The following BCAS3 variants were observed in gnomAD, a reference collection of about 807,000 sequenced individuals.
BCAS3 encodes BCAS3 microtubule associated cell migration factor, also known as BCAS4/BCAS3 fusion.
A neutral mutation model predicts 116.1 loss-of-function variants in BCAS3; 53 were observed. The observed-to-expected ratio is 0.46, with a 90% confidence interval of 0.37 to 0.57. The LOEUF is 0.57. BCAS3 is among the 20% of genes least tolerant of loss of function. The probability of loss-of-function intolerance (pLI) is 0.00; values close to 1 mark genes in which losing one functional copy is unlikely to be tolerated. For missense variants in BCAS3, 917 were observed against 1,165.4 expected (o/e 0.79, Z 3.10); for synonymous variants, 391 against 408.2 (o/e 0.96, Z 0.51).
At chr17:60,849,025 C>T (rs1450566674) in intron 7 of BCAS3, among the ~76,000 whole-genome samples, 1 of 151,990 alleles carries the variant, frequency 6.6e-6, no homozygotes, top group Non-Finnish European at 1.5e-5. Context: ...AATGTTTGGC[C>T]CTGTGTATGA....
Position 61,042,436 on chromosome 17 carries a change from A to T in BCAS3, c.2029+1544A>T, listed in dbSNP as rs8071152. On this transcript the variant is annotated intron_variant, in intron 19 of 23. Coordinates refer to ENST00000407086, the MANE Select transcript of BCAS3 (RefSeq NM_017679.5). Reference sequence around the variant, plus strand: ...TCCAGTGATTGACCTTATTGACATTACACTCTGCTTGATTTTAGCTGCCCT... The same window carrying T: ...TCCAGTGATTGACCTTATTGACATTTCACTCTGCTTGATTTTAGCTGCCCT... Among the ~76,000 whole-genome samples, 368 of 152,088 alleles carry T rather than the reference A, an allele frequency of 2.4e-3. 2 individuals carry two copies. The highest frequency in any genetic ancestry group is 8.4e-3 in the African/African-American group (350 of 41,528).
Position 60,941,833 on chromosome 17 carries a change from G to A in BCAS3, c.1088-5386G>A, listed in dbSNP as rs76932025. Among the ~76,000 whole-genome samples the A allele has an allele frequency of 1.1e-3, 161 of 152,294 alleles. 1 individual carries two copies. The highest frequency in any genetic ancestry group is 3.7e-3 in the African/African-American group (153 of 41,568). Reference sequence around the variant, plus strand: ...CAATAATAGTCTTGATTTGGCAAATGAGGACCTTTATTTGAATGCTCATTC... The same window carrying A: ...CAATAATAGTCTTGATTTGGCAAATAAGGACCTTTATTTGAATGCTCATTC... On this transcript the variant is annotated intron_variant, in intron 13 of 23. Coordinates refer to ENST00000407086, the MANE Select transcript of BCAS3 (RefSeq NM_017679.5).
Position 61,302,273 on chromosome 17 carries a change from G to A in BCAS3, c.2426-66054G>A, listed in dbSNP as rs550052686. 7.2e-4 allele frequency among the ~76,000 whole-genome samples: 110 copies of A among 152,248 alleles called. No individual in the cohort carries two copies. Among genetic ancestry groups the A allele is most frequent in the African/African-American group, 2.5e-3 (104 of 41,546 alleles). ...CACATCAGAATGTACCACGGAATCTGACTTTGCCATTTGTGTGGCTATGAT... is the reference window on the plus strand; with the variant it reads ...CACATCAGAATGTACCACGGAATCTAACTTTGCCATTTGTGTGGCTATGAT... On this transcript the variant is annotated intron_variant, in intron 22 of 23. Coordinates refer to ENST00000407086, the MANE Select transcript of BCAS3 (RefSeq NM_017679.5). This position sits in a 1 kb window ranked among gnomAD's most constrained non-coding sequence, Gnocchi z 4.4.
intron 22 of BCAS3, among the ~76,000 whole-genome samples, chr17:61,119,613 A>G (rs886823076): frequency 6.6e-6 from 1 of 152,092 alleles, no homozygotes; most frequent in Non-Finnish European, 1.5e-5. Context: ...TCCTAAAATC[A>G]TGAAAGAGGC....
chr17:60,936,920 A>G (rs894345937), intron 13 of BCAS3, among the ~76,000 whole-genome samples: 1 of 152,314 alleles, frequency 6.6e-6, no homozygotes, highest in East Asian at 1.9e-4. Context: ...TGTTTTAGAC[A>G]TGAAGTCTTT....
At chr17:60,949,446 T>C (rs1187926954) in intron 14 of BCAS3, among the ~76,000 whole-genome samples, 1 of 152,024 alleles carries the variant, frequency 6.6e-6, no homozygotes, top group Admixed American at 6.6e-5. Context: ...ATTTTCTTTT[T>C]TTGTAGAGAT....
At chr17:61,353,043 G>T (rs2378838) in intron 22 of BCAS3, among the ~76,000 whole-genome samples, 2 of 152,068 alleles carry the variant, frequency 1.3e-5, no homozygotes, top group Non-Finnish European at 2.9e-5. Context: ...ATGGGGTGGG[G>T]AGAGGGAGGA....
intron 10 of BCAS3, among the ~76,000 whole-genome samples, chr17:60,900,934 C>T (rs1298311963): frequency 2.6e-5 from 4 of 151,906 alleles, no homozygotes; most frequent in East Asian, 1.9e-4. Context: ...TAGGGCTGGG[C>T]GTGGTGGCTC....
At chr17:61,252,945 TC>T (rs1279032755) in intron 22 of BCAS3, among the ~76,000 whole-genome samples, 3 of 150,536 alleles carry the variant, frequency 2.0e-5, no homozygotes, top group Non-Finnish European at 4.4e-5. Context: ...AGTGGTGTGA[TC>T]TCAGCTCACT....
intron 22 of BCAS3, among the ~76,000 whole-genome samples, chr17:61,160,862 G>A (rs1159652502): frequency 6.6e-6 from 1 of 152,176 alleles, no homozygotes; most frequent in Non-Finnish European, 1.5e-5. Context: ...GGGAGGGGGT[G>A]TCAGGGAGAG....
At chr17:61,360,879 G>T (rs1327265465) in intron 22 of BCAS3, among the ~76,000 whole-genome samples, 1 of 152,230 alleles carries the variant, frequency 6.6e-6, no homozygotes, top group Non-Finnish European at 1.5e-5. Context: ...ACGTCATGCA[G>T]TGAGAAAGTA....
At chr17:60,986,531 T>C (rs1006103061) in intron 14 of BCAS3, among the ~76,000 whole-genome samples, 21 of 152,126 alleles carry the variant, frequency 1.4e-4, no homozygotes, top group Non-Finnish European at 1.9e-4. Flanking sequence ...GATAAAAGCC[T>C]TTTTTTAAAC....
At chr17:60,754,716 CACACACACACACACACACACACACAG>C (rs2042835379) in intron 6 of BCAS3, among the ~76,000 whole-genome samples, 1 of 18,228 alleles carries the variant, frequency 5.5e-5, no homozygotes, top group African/African-American at 6.8e-5. Context: ...CACACACACA[CACACACACACACACACACACACACAG>C]AGTCTGTTCA....
chr17:60,838,659 C>A (rs1388179485), intron 7 of BCAS3, among the ~76,000 whole-genome samples: 1 of 152,144 alleles, frequency 6.6e-6, no homozygotes, highest in Non-Finnish European at 1.5e-5. Context: ...ATAGGTTCGG[C>A]TGTGTTTCAA....
intron 6 of BCAS3, among the ~76,000 whole-genome samples, chr17:60,803,540 TA>T (rs2047999494): frequency 6.6e-6 from 1 of 152,152 alleles, no homozygotes; most frequent in African/African-American, 2.4e-5. Flanking sequence ...TTTAATTTAA[TA>T]TTTTTTTTCC....
At chr17:61,117,113 T>A (rs1397693064) in intron 22 of BCAS3, among the ~76,000 whole-genome samples, 7 of 152,192 alleles carry the variant, frequency 4.6e-5, no homozygotes, top group Non-Finnish European at 2.9e-5. Context: ...CCTTTCGGGC[T>A]TAAAGGGATA....
intron 19 of BCAS3, among the ~76,000 whole-genome samples, chr17:61,057,763 C>T (rs551520912): frequency 1.3e-5 from 2 of 151,866 alleles, no homozygotes; most frequent in Admixed American, 6.6e-5. Flanking sequence ...AACAAAGCAG[C>T]CTGTGCTATT....
At chr17:60,894,520 C>T (rs1006191319) in intron 10 of BCAS3, among the ~76,000 whole-genome samples, 3 of 152,126 alleles carry the variant, frequency 2.0e-5, no homozygotes, top group Non-Finnish European at 4.4e-5. Context: ...CAAAGAGGGG[C>T]AATGTGACTT....
At chr17:60,831,246 G>A (rs974157459) in intron 7 of BCAS3, among the ~76,000 whole-genome samples, 1 of 151,956 alleles carries the variant, frequency 6.6e-6, no homozygotes, top group Non-Finnish European at 1.5e-5. Flanking sequence ...GCACGGTCTC[G>A]GCTTACTGCA....
Sources: allele counts gnomAD v4.1 joint callset (sites outside exome capture counted in the v4.1 genomes callset), GRCh38; gene constraint gnomAD v4.1.1; non-coding constraint Gnocchi (gnomAD v3.1); transcripts MANE v1.5; gene names NCBI Gene and HGNC (gene_info 2026-07-23, HGNC 2026-07-21).